TENM4: variants seen among roughly 807,000 people sequenced by gnomAD.
The protein encoded by TENM4 is teneurin-4.
Under a neutral mutation model 243.3 loss-of-function variants are expected in TENM4, and 82 were observed. That is an observed-to-expected ratio of 0.34 (90% CI 0.28 to 0.40). The LOEUF (loss-of-function observed/expected upper bound fraction) is 0.40. Among genes scored for constraint, TENM4 ranks in the 10% least tolerant of loss-of-function variants. TENM4 has a pLI of 1.00. For synonymous variants in TENM4, 1,412 were observed against 1,456.3 expected (o/e 0.97, Z 0.69); for missense variants, 3,138 against 3,673.3 (o/e 0.85, Z 3.77).
chr11:79,313,899 T>C (rs908759920), intron 1 of TENM4, among the ~76,000 whole-genome samples: 2 of 152,198 alleles, frequency 1.3e-5, no homozygotes, highest in African/African-American at 4.8e-5. Flanking sequence ...ATCCTTCTGG[T>C]CTGTGGAGAC....
chr11:78,933,169 A>G (rs892518601), intron 6 of TENM4, among the ~76,000 whole-genome samples: 9 of 152,144 alleles, frequency 5.9e-5, no homozygotes, highest in African/African-American at 2.2e-4. Context: ...CTGAGGTAAA[A>G]GGCTGCCCAG....
chr11:78,924,133 G>A (rs1237215311), intron 6 of TENM4, among the ~76,000 whole-genome samples: 1 of 152,196 alleles, frequency 6.6e-6, no homozygotes, highest in Non-Finnish European at 1.5e-5. Flanking sequence ...GGGATTACAG[G>A]CGTGAGCCAC....
chr11:79,180,160 A>G (rs7935280), intron 3 of TENM4, among the ~76,000 whole-genome samples: 56,662 of 151,272 alleles, frequency 0.37, 11,743 homozygotes, highest in African/African-American at 0.48. Flanking sequence ...TATTAACAAG[A>G]TTCTAAAAAT....
chr11:79,071,088 C>T (rs1860404028), intron 4 of TENM4, among the ~76,000 whole-genome samples: 1 of 152,298 alleles, frequency 6.6e-6, no homozygotes, highest in East Asian at 1.9e-4. Context: ...TACACTGACA[C>T]CCCTGGATTT....
Position 79,431,116 on chromosome 11 carries a change from C to G in TENM4, c.-321+9393G>C, listed in dbSNP as rs1233920601. 4.6e-5 allele frequency among the ~76,000 whole-genome samples: 7 copies of G among 152,150 alleles called. No individual in the cohort carries two copies. In the East Asian group the frequency reaches 1.3e-3, roughly 29 times the overall value. Reference sequence around the variant, plus strand: ...AGAAAAAAGTCGAAACAATCTTCCCCAAACCATCAAAAATTCTATTAATTC... The same window carrying G: ...AGAAAAAAGTCGAAACAATCTTCCCGAAACCATCAAAAATTCTATTAATTC... On this transcript the variant is annotated intron_variant, in intron 1 of 33. Coordinates refer to ENST00000278550, the MANE Select transcript of TENM4 (RefSeq NM_001098816.3).
intron 1 of TENM4, among the ~76,000 whole-genome samples, chr11:79,439,479 G>A (rs1859350164): frequency 6.6e-6 from 1 of 152,094 alleles, no homozygotes; most frequent in South Asian, 2.1e-4. Context: ...AATTTCCAAA[G>A]TTAAGGACCA....
chr11:79,380,744 G>T (rs1429472378), intron 1 of TENM4, among the ~76,000 whole-genome samples: 1 of 152,154 alleles, frequency 6.6e-6, no homozygotes, highest in Non-Finnish European at 1.5e-5. Flanking sequence ...AACAGATTTT[G>T]GGAAATGTTC....
intron 12 of TENM4, among the ~76,000 whole-genome samples, chr11:78,823,286 C>A (rs1857777026): frequency 1.3e-5 from 2 of 152,210 alleles, no homozygotes; most frequent in African/African-American, 4.8e-5. Flanking sequence ...GGCCCAGGTG[C>A]AAGAGACAAC....
At chr11:78,801,269 C>T (rs1195885156) in intron 15 of TENM4, among the ~76,000 whole-genome samples, 1 of 152,184 alleles carries the variant, frequency 6.6e-6, no homozygotes. Flanking sequence ...GCAGTAGCCA[C>T]CTCCCCCACC....
intron 14 of TENM4, 130 bp downstream of exon 14, chr11:78,811,992 T>A: frequency 8.7e-7 from 1 of 1,150,356 alleles, no homozygotes; most frequent in Non-Finnish European, 1.2e-6. Flanking sequence ...GTGGGTGGGC[T>A]CCTGGCTTGG....
At chr11:78,830,537 C>T (rs1027608306) in intron 12 of TENM4, among the ~76,000 whole-genome samples, 1 of 152,214 alleles carries the variant, frequency 6.6e-6, no homozygotes, top group Non-Finnish European at 1.5e-5. Flanking sequence ...CCTGCTGAGC[C>T]CTCCATGCCT....
chr11:79,147,694 G>A (rs553575921), intron 4 of TENM4, among the ~76,000 whole-genome samples: 3 of 152,114 alleles, frequency 2.0e-5, no homozygotes, highest in African/African-American at 7.2e-5. Flanking sequence ...CTATGTACCA[G>A]GTACTAGGTG....
intron 6 of TENM4, among the ~76,000 whole-genome samples, chr11:79,033,172 T>G (rs1313761299): frequency 6.6e-6 from 1 of 152,136 alleles, no homozygotes; most frequent in Non-Finnish European, 1.5e-5. Context: ...AATGAATTTG[T>G]TTATTGGGTC....
chr11:79,373,274 A>G (rs907969229), intron 1 of TENM4, among the ~76,000 whole-genome samples: 2 of 151,642 alleles, frequency 1.3e-5, no homozygotes, highest in African/African-American at 2.4e-5. Context: ...AAAGGTGTAG[A>G]TGGATGCATG....
intron 1 of TENM4, among the ~76,000 whole-genome samples, chr11:79,357,245 T>C (rs756479929): frequency 2.6e-5 from 4 of 152,212 alleles, no homozygotes; most frequent in Non-Finnish European, 5.9e-5. Flanking sequence ...CCCAAAGCAA[T>C]GGCATGATCT....
intron 1 of TENM4, among the ~76,000 whole-genome samples, chr11:79,333,064 C>T (rs1379578158): frequency 6.6e-6 from 1 of 152,106 alleles, no homozygotes; most frequent in East Asian, 1.9e-4. Flanking sequence ...CAGTCCTTAC[C>T]ATACTTTTTA....
chr11:78,895,549 A>G lies in TENM4; in HGVS notation c.750-4213T>C, dbSNP rs866352847. Among the ~76,000 whole-genome samples the G allele has an allele frequency of 3.9e-5, 6 of 152,062 alleles. No individual in the cohort carries two copies. In the Middle Eastern group the frequency reaches 0.014, roughly 345 times the overall value. ...TTCCAGTTAAAGGAACCTCCCCTCA[A>G]ATCTCCTATCCACCCACTCCCCAAA... On this transcript the variant is annotated intron_variant, in intron 7 of 33. Transcript: ENST00000278550.
rs1005365612 is a variant in TENM4, at chr11:79,215,919, C to CAGA, written c.-264-13_-264-11dup. ...TGGTGCGGGATCTTTTCTGTTGAAGCAGAGAACACAGATCCAACTGAGTGA... is the reference window on the plus strand; with the variant it reads ...TGGTGCGGGATCTTTTCTGTTGAAGCAGAAGAGAACACAGATCCAACTGAGTGA... On this transcript the variant is annotated splice_polypyrimidine_tract_variant and intron_variant, in intron 2 of 33. Coordinates refer to ENST00000278550, the MANE Select transcript of TENM4 (RefSeq NM_001098816.3). 1.6e-4 allele frequency: 156 copies of CAGA among 949,912 alleles called. No homozygotes were observed. Among genetic ancestry groups the CAGA allele is most frequent in the Non-Finnish European group, 1.9e-4 (151 of 797,452 alleles). 58.8% of individuals were successfully genotyped at this position (949,912 alleles called of 1,614,324 possible).
intron 17 of TENM4, among the ~76,000 whole-genome samples, chr11:78,776,775 A>T (rs1309587867): frequency 2.0e-5 from 3 of 152,174 alleles, no homozygotes; most frequent in African/African-American, 7.2e-5. Flanking sequence ...TCTGAACTGA[A>T]GAGCAGAGCA....
Sources: gnomAD v4.1 joint callset for allele counts (sites outside exome capture counted in the v4.1 genomes callset) on GRCh38, gnomAD v4.1.1 for gene constraint, MANE v1.5 for transcripts, NCBI Gene and HGNC (gene_info 2026-07-23, HGNC 2026-07-21) for gene names.